The following RBM33 variants were observed in gnomAD, a reference collection of about 807,000 sequenced individuals.
RBM33 encodes RNA binding motif protein 33.
A neutral mutation model predicts 132.6 loss-of-function variants in RBM33; 28 were observed. That is an observed-to-expected ratio of 0.21 (90% CI 0.16 to 0.29). The LOEUF is 0.29. Ranked by LOEUF, RBM33 falls within the 10% of genes least tolerant of loss-of-function variation. The pLI is 1.00. For missense variants in RBM33, 1,291 were observed against 1,518.5 expected (o/e 0.85, Z 2.49); for synonymous variants, 634 against 593.0 (o/e 1.07, Z -1.01).
chr7:155,662,647 C>T (rs1311136911), intron 1 of RBM33, among the ~76,000 whole-genome samples: 1 of 152,082 alleles, frequency 6.6e-6, no homozygotes, highest in Non-Finnish European at 1.5e-5. Flanking sequence ...CCCCAGGTCT[C>T]CTCAATTTGA....
chr7:155,761,778 C>G (rs1802044736), intron 14 of RBM33, among the ~76,000 whole-genome samples: 1 of 152,034 alleles, frequency 6.6e-6, no homozygotes, highest in African/African-American at 2.4e-5. Context: ...CGTTGCTTTT[C>G]GCTGTCATCT....
At chr7:155,759,412 GTTCTT>G (rs1801955885) in intron 14 of RBM33, among the ~76,000 whole-genome samples, 1 of 128,654 alleles carries the variant, frequency 7.8e-6, no homozygotes, top group Non-Finnish European at 1.6e-5. Flanking sequence ...CAATGTTTAT[GTTCTT>G]TTTTTTTTTT....
intron 16 of RBM33, among the ~76,000 whole-genome samples, chr7:155,772,172 CCCCCCAGGATCCTGG>C (rs879747546): frequency 0.042 from 6,384 of 152,204 alleles, 134 homozygotes; most frequent in Middle Eastern, 0.058. Flanking sequence ...GTTGTTTAAA[CCCCCCAGGATCCTGG>C]AGCACTGAGC....
At chr7:155,681,662 TATGGGGGCCGAGTGA>T (rs1799341792) in intron 5 of RBM33, among the ~76,000 whole-genome samples, 1 of 152,110 alleles carries the variant, frequency 6.6e-6, no homozygotes, top group Non-Finnish European at 1.5e-5. Flanking sequence ...TTGGGAACAC[TATGGGGGCCGAGTGA>T]ATGGGGCTGT....
intron 2 of RBM33, among the ~76,000 whole-genome samples, chr7:155,669,098 G>A (rs886689000): frequency 2.0e-5 from 3 of 152,062 alleles, no homozygotes; most frequent in Admixed American, 2.0e-4. Flanking sequence ...TTTGCCACAT[G>A]TATTTCTTTT....
At chr7:155,723,493 G>A (rs1484700779) in intron 9 of RBM33, among the ~76,000 whole-genome samples, 2 of 152,184 alleles carry the variant, frequency 1.3e-5, no homozygotes, top group Non-Finnish European at 2.9e-5. Context: ...TCCTCCACTT[G>A]CTAGTGGGTT....
chr7:155,724,125 A>C (rs950673698), intron 9 of RBM33, among the ~76,000 whole-genome samples: 2 of 152,244 alleles, frequency 1.3e-5, no homozygotes, highest in African/African-American at 4.8e-5. Context: ...TGTGTCCTAC[A>C]AAACACACTG....
At chr7:155,673,832 CACAT>C (rs1178356830) in intron 3 of RBM33, among the ~76,000 whole-genome samples, 3 of 147,578 alleles carry the variant, frequency 2.0e-5, no homozygotes, top group Non-Finnish European at 4.5e-5. Flanking sequence ...CATTATAAAA[CACAT>C]AAAAGTAGAA....
chr7:155,689,635 C>G (rs1799575781), intron 5 of RBM33, among the ~76,000 whole-genome samples: 1 of 152,206 alleles, frequency 6.6e-6, no homozygotes, highest in Non-Finnish European at 1.5e-5. Flanking sequence ...CCTCTACACA[C>G]TGCTTTAAAT....
intron 1 of RBM33, among the ~76,000 whole-genome samples, chr7:155,648,880 T>C (rs1781144282): frequency 6.6e-6 from 1 of 152,200 alleles, no homozygotes; most frequent in South Asian, 2.1e-4. Flanking sequence ...CTGTTAATCT[T>C]ATGGAGGATC....
intron 9 of RBM33, among the ~76,000 whole-genome samples, chr7:155,731,131 G>A (rs1800943624): frequency 6.6e-6 from 1 of 152,194 alleles, no homozygotes; most frequent in African/African-American, 2.4e-5. Flanking sequence ...CGCTCAGAGT[G>A]GAGTGGAGGC....
Position 155,779,780 on chromosome 7 carries a change from T to G in RBM33, c.*4739T>G, listed in dbSNP as rs888983587. The G allele has an allele frequency of 6.6e-6, 1 of 152,212 alleles. No homozygotes were observed. Among genetic ancestry groups the G allele is most frequent in the African/African-American group, 2.4e-5 (1 of 41,456 alleles). 9.4% of individuals were successfully genotyped at this position (152,212 alleles called of 1,614,324 possible). On this transcript the variant is annotated 3_prime_UTR_variant, in exon 18 of 18. Coordinates refer to ENST00000401878, the MANE Select transcript of RBM33 (RefSeq NM_053043.3). ...TAATGTCTCAACTCTCTCTTTTCTG[T>G]GTCATGTTTTGGTAGGAAATCTTTA...
intron 16 of RBM33, among the ~76,000 whole-genome samples, chr7:155,773,058 C>G (rs897896008): frequency 2.0e-5 from 3 of 152,208 alleles, no homozygotes; most frequent in Admixed American, 2.0e-4. Flanking sequence ...AGCTCTTTGA[C>G]ATGCTTTAAA....
At chr7:155,665,792 A>G (rs1227935699) in intron 2 of RBM33, among the ~76,000 whole-genome samples, 1 of 152,214 alleles carries the variant, frequency 6.6e-6, no homozygotes, top group East Asian at 1.9e-4. Context: ...TATAGTGGTT[A>G]CCTCTGGCAA....
intron 5 of RBM33, among the ~76,000 whole-genome samples, chr7:155,686,627 C>T (rs1333793424): frequency 2.6e-5 from 4 of 152,066 alleles, no homozygotes; most frequent in Non-Finnish European, 5.9e-5. Context: ...TGTCCCTCCC[C>T]GCTCCCCCCA....
chr7:155,660,562 T>C (rs1160045260), intron 1 of RBM33, among the ~76,000 whole-genome samples: 1 of 152,240 alleles, frequency 6.6e-6, no homozygotes, highest in East Asian at 1.9e-4. Context: ...GCACTTTGAA[T>C]AGGTCATCTT....
chr7:155,721,149 A>G (rs1800613296), intron 9 of RBM33, among the ~76,000 whole-genome samples: 1 of 151,512 alleles, frequency 6.6e-6, no homozygotes, highest in African/African-American at 2.4e-5. Flanking sequence ...GTAGTAGTGC[A>G]TATGTAGCTT....
chr7:155,644,889 C>G lies in RBM33; in HGVS notation c.13C>G (p.Leu5Val). The change falls in exon 1 of 18, where the codon CTG becomes GTG. Residue 5 changes from leucine to valine, a missense_variant. By Grantham distance (32) the Leu-to-Val change is conservative (BLOSUM62 1). This residue lies in a region of RBM33 where 194 missense variants were observed against 249.8 expected (regional missense o/e 0.78). Transcript: ENST00000401878. MAAALGASGGAGAGD... is the reference protein window; with the variant it reads MAAAVGASGGAGAGD... ...CCCCGCGAGTGCCATGGCGGCCGCC[C>G]TGGGAGCGAGCGGAGGAGCAGGCGC... 6.7e-7 allele frequency: 1 copy of G among 1,498,780 alleles called. No homozygotes were observed. The highest frequency in any genetic ancestry group is 8.8e-7 in the Non-Finnish European group (1 of 1,130,342). 92.8% of individuals were successfully genotyped at this position (1,498,780 alleles called of 1,614,324 possible). A position where few individuals can be genotyped will look rare whatever the true frequency, so the allele number is the denominator to read the frequency against.
chr7:155,719,418 A>G (rs1211512672), intron 9 of RBM33, among the ~76,000 whole-genome samples: 5 of 152,150 alleles, frequency 3.3e-5, no homozygotes, highest in Non-Finnish European at 7.4e-5. Flanking sequence ...CAAAAATAAC[A>G]TTATTGGATT....
Sources: allele counts gnomAD v4.1 joint callset (sites outside exome capture counted in the v4.1 genomes callset), GRCh38; gene constraint gnomAD v4.1.1; regional missense constraint gnomAD v4.1.1; transcripts MANE v1.5; gene names NCBI Gene and HGNC (gene_info 2026-07-23, HGNC 2026-07-21).